DNAH14: variants seen among roughly 807,000 people sequenced by gnomAD.
The protein encoded by DNAH14 is dynein axonemal heavy chain 14.
A neutral mutation model predicts 520.9 loss-of-function variants in DNAH14; 478 were observed. That is an observed-to-expected ratio of 0.92 (90% confidence interval 0.85 to 0.99). The LOEUF (loss-of-function observed/expected upper bound fraction) is 0.99. Ranked by LOEUF, DNAH14 falls within the 50% of genes least tolerant of loss-of-function variation. The pLI is 0.00. For synonymous variants in DNAH14, 1,581 were observed against 1,757.2 expected (o/e 0.90, Z 2.51); for missense variants, 4,831 against 5,234.5 (o/e 0.92, Z 2.38).
intron 5 of DNAH14, among the ~76,000 whole-genome samples, chr1:224,965,657 A>T (rs1651358662): frequency 6.6e-6 from 1 of 152,180 alleles, no homozygotes; most frequent in Non-Finnish European, 1.5e-5. Context: ...AGGAAAGTAC[A>T]TGTATAATCA....
At chr1:225,322,626 A>T in intron 61 of DNAH14, 38 bp from the exon 62 acceptor site, 1 of 1,426,086 alleles carries the variant, frequency 7.0e-7, no homozygotes, top group African/African-American at 1.4e-5. Context: ...TTTCATTTTT[A>T]ATTGTGAAGT....
intron 1 of DNAH14, among the ~76,000 whole-genome samples, chr1:224,946,219 C>A (rs908123454): frequency 2.0e-5 from 3 of 152,156 alleles, no homozygotes; most frequent in African/African-American, 7.2e-5. Flanking sequence ...AGTCTCACTG[C>A]GGCCTTGCCC....
chr1:225,352,860 C>G (rs2095385277), intron 72 of DNAH14, among the ~76,000 whole-genome samples: 1 of 151,984 alleles, frequency 6.6e-6, no homozygotes, highest in Admixed American at 6.6e-5. Flanking sequence ...TTAAGAAGGT[C>G]TCCTCCTCCC....
intron 10 of DNAH14, among the ~76,000 whole-genome samples, chr1:225,015,202 T>A (rs573885097): frequency 6.6e-6 from 1 of 152,294 alleles, no homozygotes; most frequent in South Asian, 2.1e-4. Flanking sequence ...GTGTGGTAGG[T>A]TTCTTGTAGG....
At chr1:225,384,174 G>T (rs940037193) in intron 81 of DNAH14, among the ~76,000 whole-genome samples, 3 of 152,150 alleles carry the variant, frequency 2.0e-5, no homozygotes, top group Non-Finnish European at 4.4e-5. Flanking sequence ...GTCAATTTTG[G>T]AATAAGTGCG....
chr1:225,326,869 C>T lies in DNAH14; in HGVS notation c.9723+2037C>T, dbSNP rs758916839. On this transcript the variant is annotated intron_variant, in intron 64 of 85. Coordinates refer to ENST00000682510, the MANE Select transcript of DNAH14 (RefSeq NM_001367479.1). The stretch of plus-strand genomic sequence containing the variant: ...CCATTTTAAAAAAAAAACTTGAAAG[C>T]TTAAACAATCCAAAAATCATGGATT... Among the ~76,000 whole-genome samples, 54 of 151,784 alleles carry T rather than the reference C, an allele frequency of 3.6e-4. 1 individual carries two copies. The highest frequency in any genetic ancestry group is 6.9e-4 in the Non-Finnish European group (47 of 67,904).
In DNAH14 at chr1:225,270,841, A is replaced by G; in HGVS notation, c.7646A>G (p.Gln2549Arg). The G allele has an allele frequency of 6.4e-7, 1 of 1,551,288 alleles. No homozygotes were observed. The highest frequency in any genetic ancestry group is 8.7e-7 in the Non-Finnish European group (1 of 1,146,834). Residue 2549 changes from glutamine (Q) to arginine (R), a missense_variant, in exon 50 of 86, where the codon CAA becomes CGA. Gln to Arg is a conservative substitution (Grantham distance 43, BLOSUM62 1). Coordinates refer to ENST00000682510, the MANE Select transcript of DNAH14 (RefSeq NM_001367479.1). ...ATGCTGGTATTACCTCATCCTTCAC[A>G]AGACATCTTATGTACTATTTTCCAG... ...FSMLVLPHPS[Q>R]DILCTIFQAH...
chr1:225,117,594 T>A, intron 23 of DNAH14, 90 bp from the exon 24 acceptor site: 1 of 769,558 alleles, frequency 1.3e-6, no homozygotes, highest in Non-Finnish European at 2.1e-6. Flanking sequence ...TATTGTGGCT[T>A]TTGTTTGTAA....
chr1:225,309,497 G>A (rs1574671085), intron 60 of DNAH14, among the ~76,000 whole-genome samples: 1 of 152,248 alleles, frequency 6.6e-6, no homozygotes, highest in East Asian at 1.9e-4. Flanking sequence ...TTCTCAGATG[G>A]GGAGCTTCCC....
intron 52 of DNAH14, among the ~76,000 whole-genome samples, chr1:225,274,020 C>G (rs1011460614): frequency 1.3e-5 from 2 of 151,950 alleles, no homozygotes; most frequent in African/African-American, 4.8e-5. Flanking sequence ...TATGATAAAA[C>G]GATTTATATT....
intron 33 of DNAH14, among the ~76,000 whole-genome samples, chr1:225,153,528 A>C (rs930465055): frequency 6.6e-6 from 1 of 151,724 alleles, no homozygotes; most frequent in Admixed American, 6.6e-5. Flanking sequence ...GATATTTCTT[A>C]ACACCTTTAA....
At chr1:225,279,114 A>T (rs1411324431) in intron 54 of DNAH14, among the ~76,000 whole-genome samples, 2 of 152,122 alleles carry the variant, frequency 1.3e-5, no homozygotes, top group Non-Finnish European at 2.9e-5. Context: ...CTCCTACTTC[A>T]GCCTCCTGAG....
chr1:225,155,860 A>C (rs1348839205), intron 34 of DNAH14, among the ~76,000 whole-genome samples: 1 of 152,130 alleles, frequency 6.6e-6, no homozygotes, highest in Non-Finnish European at 1.5e-5. Flanking sequence ...CTTTATTTTA[A>C]GAGGATGAAG....
Position 225,364,807 on chromosome 1 carries a change from C to A in DNAH14, c.12003C>A (p.Asn4001Lys). ...CTIVESFNSP[N>K]VTIDPEFRLW... ...TATTTTGCAGTTTTAATAGTCCAAACGTGACAATAGACCCTGAGTTTCGGC... is the reference window on the plus strand; with the variant it reads ...TATTTTGCAGTTTTAATAGTCCAAAAGTGACAATAGACCCTGAGTTTCGGC... Residue 4001 changes from asparagine (N) to lysine (K), a missense_variant, in exon 76 of 86, where the codon AAC becomes AAA. Physicochemically the swap from Asn to Lys is moderately conservative, Grantham distance 94 (BLOSUM62 0). Transcript: ENST00000682510. 6.5e-7 allele frequency: 1 copy of A among 1,545,812 alleles called. No homozygotes were observed. The highest frequency in any genetic ancestry group is 8.7e-7 in the Non-Finnish European group (1 of 1,144,984).
rs1558423987 is a variant in DNAH14, at chr1:225,335,173, A to ATGTGTG, written c.10080+1667_10080+1668insTGTGTG. Among the ~76,000 whole-genome samples, 17 of 114,382 alleles carry ATGTGTG rather than the reference A, an allele frequency of 1.5e-4. No individual in the cohort carries two copies. The South Asian group carries it at 2.4e-3, about 16-fold the overall frequency. The allele number at this position is 114,382 out of a possible 152,430, so 75.0% of individuals were successfully genotyped here. On this transcript the variant is annotated intron_variant, in intron 66 of 85. Transcript: ENST00000682510. ...TACATGTGTGCATGTGTGCATGTGT[A>ATGTGTG]CATGTGCGCATGTGTGTATATATGC...
At chr1:225,128,900 T>G (rs1185806032) in intron 27 of DNAH14, among the ~76,000 whole-genome samples, 2 of 150,984 alleles carry the variant, frequency 1.3e-5, no homozygotes, top group Non-Finnish European at 2.9e-5. Context: ...GATGACATGA[T>G]TGTATATCTA....
At chr1:225,302,516 T>G (rs1189280421) in intron 56 of DNAH14, among the ~76,000 whole-genome samples, 2 of 152,204 alleles carry the variant, frequency 1.3e-5, no homozygotes, top group Non-Finnish European at 2.9e-5. Flanking sequence ...TTTTCAGTAA[T>G]GCGGACTTAT....
At chr1:225,032,733 A>T (rs920442592) in intron 11 of DNAH14, among the ~76,000 whole-genome samples, 1 of 151,986 alleles carries the variant, frequency 6.6e-6, no homozygotes, top group African/African-American at 2.4e-5. Flanking sequence ...CCGCAACCTC[A>T]CCAGCATCCG....
At chr1:225,137,566 G>A (rs2079058206) in intron 27 of DNAH14, among the ~76,000 whole-genome samples, 1 of 152,120 alleles carries the variant, frequency 6.6e-6, no homozygotes, top group Non-Finnish European at 1.5e-5. Flanking sequence ...ATGTTGGCCA[G>A]GCTGGTCTTG....
Sources: allele counts gnomAD v4.1 joint callset (sites outside exome capture counted in the v4.1 genomes callset), GRCh38; gene constraint gnomAD v4.1.1; transcripts MANE v1.5; gene names NCBI Gene and HGNC (gene_info 2026-07-23, HGNC 2026-07-21).